Variants in CA10 observed in about 807,000 individuals in gnomAD.
The protein encoded by CA10 is carbonic anhydrase 10 (inactive).
A neutral mutation model predicts 44.2 loss-of-function variants in CA10; 14 were observed. The observed-to-expected ratio is 0.32, with a 90% CI of 0.21 to 0.50. CA10 has a LOEUF of 0.50. Ranked by LOEUF, CA10 falls within the 20% of genes least tolerant of loss-of-function variation. CA10 has a pLI of 0.99. For synonymous variants in CA10, 159 were observed against 141.6 expected (o/e 1.12, Z -0.87); for missense variants, 350 against 409.7 (o/e 0.85, Z 1.26).
At chr17:51,679,744 G>A (rs1246011728) in intron 4 of CA10, among the ~76,000 whole-genome samples, 1 of 152,120 alleles carries the variant, frequency 6.6e-6, no homozygotes, top group Non-Finnish European at 1.5e-5. Context: ...TGGTCTGAGG[G>A]GCTAGAGTGT....
At chr17:51,650,972 C>T (rs1056513703) in intron 5 of CA10, among the ~76,000 whole-genome samples, 1 of 152,182 alleles carries the variant, frequency 6.6e-6, no homozygotes, top group Admixed American at 6.5e-5. Flanking sequence ...GCAGCAATTA[C>T]AGCCAAATCT....
chr17:52,060,186 A>G (rs1233382229), intron 2 of CA10, among the ~76,000 whole-genome samples: 2 of 152,170 alleles, frequency 1.3e-5, no homozygotes, highest in African/African-American at 4.8e-5. Flanking sequence ...ACAATCCCAG[A>G]TTAACCAAGA....
chr17:51,775,132 G>A (rs1200033077), intron 3 of CA10, among the ~76,000 whole-genome samples: 1 of 152,068 alleles, frequency 6.6e-6, no homozygotes, highest in Non-Finnish European at 1.5e-5. Flanking sequence ...TTCTGAGACT[G>A]GTGACTTGAG....
chr17:52,101,898 C>T (rs1176052290), intron 1 of CA10, among the ~76,000 whole-genome samples: 1 of 152,124 alleles, frequency 6.6e-6, no homozygotes, highest in East Asian at 1.9e-4. Flanking sequence ...TTTCTCCCTC[C>T]CTTTTTTCTT....
intron 4 of CA10, among the ~76,000 whole-genome samples, chr17:51,683,627 T>A (rs537572402): frequency 1.3e-3 from 200 of 152,304 alleles, no homozygotes; most frequent in African/African-American, 4.6e-3. Context: ...TTTGGGTGAC[T>A]TCAGACAGCG....
At chr17:51,987,771 G>A (rs1481216422) in intron 2 of CA10, among the ~76,000 whole-genome samples, 1 of 151,782 alleles carries the variant, frequency 6.6e-6, no homozygotes, top group South Asian at 2.1e-4. Flanking sequence ...ATTAAGAGAG[G>A]GGTACAGTAA....
At chr17:51,773,711 C>A (rs549773281) in intron 3 of CA10, among the ~76,000 whole-genome samples, 1 of 152,368 alleles carries the variant, frequency 6.6e-6, no homozygotes, top group African/African-American at 2.4e-5. Context: ...ATGCATAATA[C>A]AACTTCGATG....
intron 2 of CA10, among the ~76,000 whole-genome samples, chr17:51,932,810 G>C (rs1189916879): frequency 6.6e-6 from 1 of 152,010 alleles, no homozygotes; most frequent in Non-Finnish European, 1.5e-5. Context: ...CCTTTAGAAG[G>C]TACCACGTCC....
At chr17:52,037,193 G>A (rs1430008768) in intron 2 of CA10, among the ~76,000 whole-genome samples, 2 of 152,144 alleles carry the variant, frequency 1.3e-5, no homozygotes, top group African/African-American at 4.8e-5. Flanking sequence ...CGAAATCCCT[G>A]GGTTGGCAGT....
At chr17:52,117,976 G>A (rs1988934026) in intron 1 of CA10, among the ~76,000 whole-genome samples, 1 of 152,158 alleles carries the variant, frequency 6.6e-6, no homozygotes, top group Non-Finnish European at 1.5e-5. Flanking sequence ...ATTCAAAAGG[G>A]TATTATATGG....
At chr17:51,754,833 C>T (rs1343446340) in intron 3 of CA10, among the ~76,000 whole-genome samples, 4 of 152,076 alleles carry the variant, frequency 2.6e-5, no homozygotes, top group Non-Finnish European at 5.9e-5. Flanking sequence ...TTTATTACAT[C>T]AGTTCAAATA....
At chr17:51,649,599 T>C (rs1204629223) in intron 5 of CA10, among the ~76,000 whole-genome samples, 2 of 151,248 alleles carry the variant, frequency 1.3e-5, no homozygotes, top group African/African-American at 4.9e-5. Context: ...GGTGATAGAG[T>C]GTGAAAAGGG....
chr17:51,835,657 G>T (rs554136395), intron 3 of CA10, among the ~76,000 whole-genome samples: 2 of 152,320 alleles, frequency 1.3e-5, no homozygotes, highest in East Asian at 3.9e-4. Context: ...ATGGGAGGGG[G>T]TTTAATACCA....
intron 4 of CA10, among the ~76,000 whole-genome samples, chr17:51,740,803 A>C (rs1904425186): frequency 6.6e-6 from 1 of 152,078 alleles, no homozygotes; most frequent in South Asian, 2.1e-4. Flanking sequence ...CCTTCCCCAG[A>C]CATCTCCCTG....
At chr17:51,645,856 T>C (rs1488016952) in intron 6 of CA10, among the ~76,000 whole-genome samples, 1 of 152,254 alleles carries the variant, frequency 6.6e-6, no homozygotes, top group African/African-American at 2.4e-5. Flanking sequence ...TGGCAGGATT[T>C]TCATGTTGAG....
At chr17:51,654,674 A>G (rs1264343887) in intron 4 of CA10, among the ~76,000 whole-genome samples, 1 of 151,878 alleles carries the variant, frequency 6.6e-6, no homozygotes, top group Non-Finnish European at 1.5e-5. Context: ...GTCCTGCCTC[A>G]GCCTTCCAAG....
chr17:51,820,516 C>A (rs1907742326), intron 3 of CA10, among the ~76,000 whole-genome samples: 2 of 145,338 alleles, frequency 1.4e-5, no homozygotes, highest in African/African-American at 5.1e-5. Flanking sequence ...TTTCTCATGT[C>A]TAGATGAAAT....
intron 3 of CA10, among the ~76,000 whole-genome samples, chr17:51,844,543 T>G (rs1437396826): frequency 6.6e-6 from 1 of 152,224 alleles, no homozygotes; most frequent in Non-Finnish European, 1.5e-5. Context: ...ATAACTCACT[T>G]AAAATAGCGT....
At chr17:51,858,094 G>T (rs534830859) in intron 3 of CA10, among the ~76,000 whole-genome samples, 1 of 152,132 alleles carries the variant, frequency 6.6e-6, no homozygotes, top group Non-Finnish European at 1.5e-5. Context: ...GGAGAGAAAT[G>T]ACTCATTATA....
Sources: allele counts gnomAD v4.1 joint callset (sites outside exome capture counted in the v4.1 genomes callset), GRCh38; gene constraint gnomAD v4.1.1; transcripts MANE v1.5; gene names NCBI Gene and HGNC (gene_info 2026-07-23, HGNC 2026-07-21).